CGA: variants seen among roughly 807,000 people sequenced by gnomAD.
CGA encodes glycoprotein hormones alpha chain.
In CGA, 4 loss-of-function variants were observed where a neutral mutation model predicts 12.0. The observed-to-expected ratio is 0.33, with a 90% CI of 0.16 to 0.76. The LOEUF is 0.76. Ranked by LOEUF, CGA falls within the 30% of genes least tolerant of loss-of-function variation. CGA has a pLI of 0.60. For synonymous variants in CGA, 60 were observed against 56.6 expected (o/e 1.06, Z -0.27); for missense variants, 102 against 143.5 (o/e 0.71, Z 1.48).
intron 1 of CGA, among the ~76,000 whole-genome samples, chr6:87,094,465 T>G (rs1346786669): frequency 6.6e-6 from 1 of 152,238 alleles, no homozygotes; most frequent in Non-Finnish European, 1.5e-5. Flanking sequence ...CTTTGATTTT[T>G]GTAGCATTTT....
intron 2 of CGA, among the ~76,000 whole-genome samples, chr6:87,087,505 A>G (rs1191783647): frequency 6.6e-6 from 1 of 152,236 alleles, no homozygotes; most frequent in Non-Finnish European, 1.5e-5. Context: ...ATTGACAGAG[A>G]GAAATATGTC....
rs928663730 is a variant in CGA at position 87,091,159 on chromosome 6, TATA to T, written c.-7-2955_-7-2953del. 6.2e-4 allele frequency among the ~76,000 whole-genome samples: 95 copies of T among 152,320 alleles called. 1 individual carries two copies. Among genetic ancestry groups the T allele is most frequent in the African/African-American group, 2.1e-3 (88 of 41,574 alleles). On this transcript the variant is annotated intron_variant, in intron 1 of 3. Transcript: ENST00000627148. Reference sequence around the variant, plus strand: ...CAGAATTAATTCAGAGAGAAACATTTATAATAAGATTTGAGAATGTGAAAGCAT... The same window carrying T: ...CAGAATTAATTCAGAGAGAAACATTTATAAGATTTGAGAATGTGAAAGCAT...
rs7741514 is a variant in CGA at position 87,086,037 on chromosome 6, C to A, written c.274-204G>T. On this transcript the variant is annotated intron_variant, in intron 3 of 3. Coordinates refer to ENST00000627148, the MANE Select transcript of CGA (RefSeq NM_000735.4). ...CCCAACCTGCCCCTTGTCACCTCTACCCCTATTCTCCTCATTCTGAATAAA... is the reference window on the plus strand; with the variant it reads ...CCCAACCTGCCCCTTGTCACCTCTAACCCTATTCTCCTCATTCTGAATAAA... 168 of 644,270 alleles carry A rather than the reference C, an allele frequency of 2.6e-4. No individual in the cohort carries two copies. In the African/African-American group the frequency reaches 2.8e-3, roughly 11 times the overall value. 39.9% of individuals were successfully genotyped at this position (644,270 alleles called of 1,614,324 possible).
rs776382837 is a variant in CGA, at chr6:87,085,996, G to C, written c.274-163C>G. On this transcript the variant is annotated intron_variant, in intron 3 of 3. Transcript: ENST00000627148. ...TTTTTAGGAAATATTTTTAGCACAA[G>C]TAAGCTGTACTTTCTCCCAACCTGC... is the stretch of plus-strand genomic sequence containing the variant. The C allele has an allele frequency of 5.9e-6, 4 of 679,300 alleles. No individual in the cohort carries two copies. In the South Asian group the frequency reaches 7.5e-5, roughly 13 times the overall value. The allele number at this position is 679,300 out of a possible 1,614,324, so 42.1% of individuals were successfully genotyped here. A position where few individuals can be genotyped will look rare whatever the true frequency, so the allele number is the denominator to read the frequency against.
intron 1 of CGA, among the ~76,000 whole-genome samples, chr6:87,092,099 A>G (rs913667955): frequency 7.2e-6 from 1 of 138,594 alleles, no homozygotes; most frequent in African/African-American, 2.6e-5. Context: ...TTTTTTTGGT[A>G]ATAAAAACAG....
At chr6:87,093,654 T>TA (rs1769481807) in intron 1 of CGA, among the ~76,000 whole-genome samples, 1 of 152,230 alleles carries the variant, frequency 6.6e-6, no homozygotes, top group African/African-American at 2.4e-5. Flanking sequence ...TGATGTGCTT[T>TA]TAAGCAAGAC....
chr6:87,086,186 G>A (rs1047614987), intron 3 of CGA, 64 bp downstream of exon 3: 24 of 1,427,484 alleles, frequency 1.7e-5, no homozygotes, highest in Non-Finnish European at 2.1e-5. Flanking sequence ...TTCCATGGGT[G>A]GGCTCTATGA....
intron 1 of CGA, among the ~76,000 whole-genome samples, chr6:87,089,602 A>G (rs549665774): frequency 4.6e-4 from 70 of 152,364 alleles, no homozygotes; most frequent in African/African-American, 1.5e-3. Flanking sequence ...AAAGGTACAT[A>G]TGAGTCAAAA....
rs920509870 is a variant in CGA, at chr6:87,092,748, T to C, written c.-8+2265A>G. Among the ~76,000 whole-genome samples, 461 of 140,908 alleles carry C rather than the reference T, an allele frequency of 3.3e-3. 2 individuals carry two copies. Among genetic ancestry groups the C allele is most frequent in the African/African-American group, 0.012 (441 of 37,974 alleles). 92.4% of individuals were successfully genotyped at this position (140,908 alleles called of 152,430 possible). On this transcript the variant is annotated intron_variant, in intron 1 of 3. Coordinates refer to ENST00000627148, the MANE Select transcript of CGA (RefSeq NM_000735.4). Reference sequence around the variant, plus strand: ...GGGAAAAAGCATTAGCTTTCTTTTTTTTTTTTTTTTTTTTTTTGAGACATG... The same window carrying C: ...GGGAAAAAGCATTAGCTTTCTTTTTCTTTTTTTTTTTTTTTTTGAGACATG...
intron 1 of CGA, among the ~76,000 whole-genome samples, chr6:87,091,875 C>T (rs774792436): frequency 4.6e-5 from 7 of 152,174 alleles, no homozygotes; most frequent in Non-Finnish European, 8.8e-5. Flanking sequence ...GTTATGTACA[C>T]GTCTATCTCT....
Position 87,088,299 on chromosome 6 carries a change from T to A in CGA, c.-7-92A>T, listed in dbSNP as rs533606765. 2.3e-5 allele frequency: 15 copies of A among 650,532 alleles called. No individual in the cohort carries two copies. The African/African-American group carries it at 2.4e-4, about 10-fold the overall frequency. The allele number at this position is 650,532 out of a possible 1,614,324, so 40.3% of individuals were successfully genotyped here. ...TAACAACAACCAGTAGTTTCAACAT[T>A]ACTATTAATAATAGTCATCAGTGTC... is the stretch of plus-strand genomic sequence containing the variant. On this transcript the variant is annotated intron_variant, in intron 1 of 3. Transcript: ENST00000627148.
intron 1 of CGA, chr6:87,089,154 C>G (rs1244796137): frequency 6.6e-6 from 1 of 152,030 alleles, no homozygotes; most frequent in Non-Finnish European, 1.5e-5. Flanking sequence ...CTATATGATT[C>G]CATTTATATA....
intron 1 of CGA, among the ~76,000 whole-genome samples, chr6:87,089,569 TA>T (rs550557575): frequency 1.3e-5 from 2 of 152,202 alleles, no homozygotes; most frequent in Non-Finnish European, 2.9e-5. Context: ...AAAGTTTTTT[TA>T]AAAAAATTCA....
At chr6:87,090,890 C>T (rs1769422497) in intron 1 of CGA, among the ~76,000 whole-genome samples, 1 of 151,632 alleles carries the variant, frequency 6.6e-6, no homozygotes, top group Non-Finnish European at 1.5e-5. Flanking sequence ...TCGTGATCCA[C>T]CTGCCTCGGC....
At chr6:87,086,529 C>A (rs1387945764) in intron 2 of CGA, 95 bp from the exon 3 acceptor site, 1 of 1,251,658 alleles carries the variant, frequency 8.0e-7, no homozygotes. Flanking sequence ...GTAATCCTAG[C>A]ACTTTGGGAG....
chr6:87,092,116 G>A (rs1390102193), intron 1 of CGA, among the ~76,000 whole-genome samples: 2 of 151,414 alleles, frequency 1.3e-5, no homozygotes, highest in African/African-American at 2.4e-5. Context: ...ACAGAGCAGA[G>A]GAGCTGCAAA....
chr6:87,088,221 T>C lies in CGA; in HGVS notation c.-7-14A>G. On this transcript the variant is annotated splice_polypyrimidine_tract_variant and intron_variant, in intron 1 of 3. Transcript: ENST00000627148. ...TCCATGGCGCTCCTGCAGACAGACA[T>C]GGCAAAAAAAAAAAAACAAAAAACA... The C allele has an allele frequency of 3.0e-6, 3 of 1,002,288 alleles. No individual in the cohort carries two copies. The highest frequency in any genetic ancestry group is 3.2e-4 in the Middle Eastern group (1 of 3,132). 62.1% of individuals were successfully genotyped at this position (1,002,288 alleles called of 1,614,324 possible). A position where few individuals can be genotyped will look rare whatever the true frequency, so the allele number is the denominator to read the frequency against.
intron 1 of CGA, among the ~76,000 whole-genome samples, chr6:87,089,562 G>T (rs1562094845): frequency 6.6e-6 from 1 of 152,050 alleles, no homozygotes; most frequent in African/African-American, 2.4e-5. Flanking sequence ...CAAAATAAAA[G>T]TTTTTTTAAA....
intron 1 of CGA, 73 bp from the exon 2 acceptor site, chr6:87,088,280 C>T (rs1399494533): frequency 1.2e-6 from 1 of 840,012 alleles, no homozygotes. Flanking sequence ...GTCATAACAA[C>T]AACCAGTAGT....
Sources: allele counts gnomAD v4.1 joint callset (sites outside exome capture counted in the v4.1 genomes callset), GRCh38; gene constraint gnomAD v4.1.1; transcripts MANE v1.5; gene names NCBI Gene and HGNC (gene_info 2026-07-23, HGNC 2026-07-21).